The following STIM2 variants were observed in gnomAD, a reference collection of about 807,000 sequenced individuals.
The protein encoded by STIM2 is stromal interaction molecule 2.
Under a neutral mutation model 85.8 loss-of-function variants are expected in STIM2, and 31 were observed. That is an observed-to-expected ratio of 0.36 (90% confidence interval 0.27 to 0.49). The LOEUF (loss-of-function observed/expected upper bound fraction) is 0.49, where lower values mean the gene tolerates loss of function less well. STIM2 is among the 20% of genes least tolerant of loss of function. STIM2 has a pLI of 0.98. For synonymous variants in STIM2, 356 were observed against 331.1 expected, an observed-to-expected ratio of 1.08 and a Z score of -0.82; for missense variants, 841 against 927.6, an observed-to-expected ratio of 0.91 and a Z score of 1.21.
At chr4:26,873,888 C>G (rs1193978413) in intron 1 of STIM2, 10 of 1,345,082 alleles carry the variant, frequency 7.4e-6, no homozygotes, top group African/African-American at 1.4e-5. Context: ...TGCTCCTTCT[C>G]CCAGGGGTCT....
chr4:26,922,285 A>G (rs1327145200), intron 2 of STIM2, among the ~76,000 whole-genome samples: 2 of 152,078 alleles, frequency 1.3e-5, no homozygotes, highest in African/African-American at 4.8e-5. Flanking sequence ...TCTCTAAACC[A>G]AAGAGATTTT....
At chr4:26,916,687 T>A (rs1221337707) in intron 1 of STIM2, among the ~76,000 whole-genome samples, 1 of 152,178 alleles carries the variant, frequency 6.6e-6, no homozygotes, top group Non-Finnish European at 1.5e-5. Flanking sequence ...TGTATGTTGG[T>A]ATCTTTGTAC....
chr4:26,874,424 AG>A (rs1722742451), intron 1 of STIM2: 2 of 191,936 alleles, frequency 1.0e-5, no homozygotes, highest in Admixed American at 5.5e-5. Context: ...AGTACTGTAA[AG>A]TACTTTTAGG....
At chr4:26,900,140 T>C (rs1380355772) in intron 1 of STIM2, among the ~76,000 whole-genome samples, 1 of 152,168 alleles carries the variant, frequency 6.6e-6, no homozygotes, top group Non-Finnish European at 1.5e-5. Context: ...CTCCAGTTTA[T>C]AGGAAATAGA....
chr4:26,992,081 T>C (rs1306511012), intron 3 of STIM2, among the ~76,000 whole-genome samples: 1 of 152,112 alleles, frequency 6.6e-6, no homozygotes, highest in Non-Finnish European at 1.5e-5. Context: ...TGAGTAATTC[T>C]TTTACCATCA....
chr4:26,935,333 A>G (rs1377234299), intron 2 of STIM2, among the ~76,000 whole-genome samples: 4 of 152,202 alleles, frequency 2.6e-5, no homozygotes, highest in African/African-American at 4.8e-5. Context: ...GTTTACGTAT[A>G]TGTAACTATA....
At chr4:27,005,277 T>C (rs1414368830) in intron 7 of STIM2, among the ~76,000 whole-genome samples, 1 of 152,218 alleles carries the variant, frequency 6.6e-6, no homozygotes, top group Non-Finnish European at 1.5e-5. Context: ...CTTTATGTTT[T>C]GTGTGATTTA....
chr4:26,879,115 C>A (rs1352696066), intron 1 of STIM2, among the ~76,000 whole-genome samples: 2 of 152,218 alleles, frequency 1.3e-5, no homozygotes, highest in Non-Finnish European at 2.9e-5. Flanking sequence ...ACTCATCAGC[C>A]TGTAAGTAGG....
intron 7 of STIM2, among the ~76,000 whole-genome samples, chr4:27,004,697 C>T (rs991254922): frequency 4.6e-5 from 7 of 151,996 alleles, no homozygotes; most frequent in Middle Eastern, 3.2e-3. Context: ...CAGTAGACCC[C>T]GAAGTTACCA....
At chr4:26,995,352 T>C (rs987444093) in intron 3 of STIM2, 27 bp from the exon 4 acceptor site, 1 of 1,286,282 alleles carries the variant, frequency 7.8e-7, no homozygotes, top group South Asian at 1.4e-5. Flanking sequence ...GTGTTTAAAA[T>C]ATGCATTCCC....
chr4:27,002,158 T>G (rs1728176227), intron 5 of STIM2, 59 bp from the exon 6 acceptor site: 2 of 1,468,938 alleles, frequency 1.4e-6, no homozygotes, highest in African/African-American at 2.9e-5. Context: ...AATGTCTTTT[T>G]GTATTGAGGT....
intron 1 of STIM2, among the ~76,000 whole-genome samples, chr4:26,868,730 C>A (rs188496064): frequency 1.3e-5 from 2 of 151,786 alleles, no homozygotes; most frequent in Non-Finnish European, 2.9e-5. Flanking sequence ...TAATCTTAAT[C>A]CCCCTTCTTT....
intron 2 of STIM2, among the ~76,000 whole-genome samples, chr4:26,950,263 A>G (rs1307609784): frequency 6.6e-6 from 1 of 152,230 alleles, no homozygotes; most frequent in Non-Finnish European, 1.5e-5. Context: ...CTCTGTTGAA[A>G]TTAAAAGCTT....
intron 1 of STIM2, chr4:26,873,894 G>T: frequency 1.5e-6 from 2 of 1,361,738 alleles, no homozygotes; most frequent in South Asian, 2.4e-5. Context: ...TTCTCCCAGG[G>T]GTCTGCGGCT....
Position 26,885,837 on chromosome 4 carries a change from AT to A in STIM2, c.151+24469del. On this transcript the variant is annotated intron_variant, in intron 1 of 11. Transcript: ENST00000467087. ...CACCTCAGGTTATATATATATATAT[AT>A]ATATATATATATATATATATATATA... is the stretch of plus-strand genomic sequence containing the variant. Among the ~76,000 whole-genome samples, 2 of 29,642 alleles carry A rather than the reference AT, an allele frequency of 6.7e-5. 1 individual carries two copies. The highest frequency in any genetic ancestry group is 2.8e-3 in the East Asian group (2 of 702). The allele number at this position is 29,642 out of a possible 152,430, so 19.4% of individuals were successfully genotyped here. A position where few individuals can be genotyped will look rare whatever the true frequency, so the allele number is the denominator to read the frequency against.
At chr4:26,942,620 A>G (rs1027206126) in intron 2 of STIM2, among the ~76,000 whole-genome samples, 3 of 152,136 alleles carry the variant, frequency 2.0e-5, no homozygotes, top group South Asian at 2.1e-4. Flanking sequence ...CTCAGTCTTC[A>G]TATCACTCAC....
In STIM2 at chr4:27,008,439, TAAAA is replaced by T; in HGVS notation, c.1163_1166del (p.Lys388ArgfsTer18). ...TTTTCGGTTTCTAGGCAGAAAAAAT[TAAAA>T]AGAAGAGAAGCACAGTCTTTGGGAC... On this transcript the variant is annotated frameshift_variant, in exon 9 of 12. Transcript: ENST00000467087. LOFTEE classifies it high-confidence loss of function. The T allele has an allele frequency of 6.3e-7, 1 of 1,582,564 alleles. No homozygotes were observed. The highest frequency in any genetic ancestry group is 8.6e-7 in the Non-Finnish European group (1 of 1,167,594).
intron 1 of STIM2, among the ~76,000 whole-genome samples, chr4:26,890,200 T>G (rs1435627740): frequency 6.6e-6 from 1 of 152,168 alleles, no homozygotes; most frequent in Non-Finnish European, 1.5e-5. Flanking sequence ...TAGGCCCACT[T>G]TTTTTTCTTC....
chr4:27,003,083 T>C lies in STIM2; in HGVS notation c.960T>C (p.Tyr320=). ...AATGTGAATTGAGTAGACGTCAGTA[T>C]GCAGAACAGGAATTGGAACAGGTAT... Residue 320 remains tyrosine, a synonymous_variant, in exon 7 of 12, where the codon TAT becomes TAC. Transcript: ENST00000467087. 6.3e-7 allele frequency: 1 copy of C among 1,583,556 alleles called. No homozygotes were observed. The highest frequency in any genetic ancestry group is 1.2e-5 in the South Asian group (1 of 84,588).
Sources: gnomAD v4.1 joint callset for allele counts (sites outside exome capture counted in the v4.1 genomes callset) on GRCh38, gnomAD v4.1.1 for gene constraint, MANE v1.5 for transcripts, NCBI Gene and HGNC (gene_info 2026-07-23, HGNC 2026-07-21) for gene names.